The following DPP10 variants were observed in gnomAD, a reference collection of about 807,000 sequenced individuals.
DPP10 encodes dipeptidyl peptidase like 10.
A neutral mutation model predicts 120.9 loss-of-function variants in DPP10; 33 were observed. The ratio of observed to expected loss-of-function variants is 0.27; its 90% confidence interval spans 0.21 to 0.37. The LOEUF (loss-of-function observed/expected upper bound fraction) is 0.37. Ranked by LOEUF, DPP10 falls within the 10% of genes least tolerant of loss-of-function variation. The pLI is 1.00. For synonymous variants in DPP10, 337 were observed against 326.1 expected (o/e 1.03, Z -0.36); for missense variants, 816 against 942.8 (o/e 0.87, Z 1.76).
intron 2 of DPP10, among the ~76,000 whole-genome samples, chr2:115,327,255 TGTAA>T (rs1287156132): frequency 6.6e-6 from 1 of 152,038 alleles, no homozygotes; most frequent in Admixed American, 6.6e-5. Context: ...TCTGGGTTTG[TGTAA>T]GTACATTCTA....
intron 1 of DPP10, among the ~76,000 whole-genome samples, chr2:115,080,958 T>C (rs764403339): frequency 7.9e-5 from 12 of 152,246 alleles, no homozygotes; most frequent in Non-Finnish European, 1.6e-4. Context: ...TCTGACTTTG[T>C]TGCTGTTGAG....
intron 1 of DPP10, among the ~76,000 whole-genome samples, chr2:114,987,061 T>TTC (rs941439734): frequency 6.6e-6 from 1 of 152,136 alleles, no homozygotes; most frequent in Non-Finnish European, 1.5e-5. Context: ...ATTACAGGCG[T>TTC]GAACCACTGC....
chr2:115,366,261 A>G (rs1200449882), intron 3 of DPP10, among the ~76,000 whole-genome samples: 1 of 151,794 alleles, frequency 6.6e-6, no homozygotes, highest in East Asian at 1.9e-4. Context: ...TCACTATTCC[A>G]TGTATTCTGA....
At chr2:115,068,964 A>G (rs1423641946) in intron 1 of DPP10, among the ~76,000 whole-genome samples, 1 of 152,070 alleles carries the variant, frequency 6.6e-6, no homozygotes, top group Non-Finnish European at 1.5e-5. Flanking sequence ...TTATTACTAT[A>G]GCTTTGTAGT....
intron 1 of DPP10, among the ~76,000 whole-genome samples, chr2:114,651,092 C>T (rs1696548785): frequency 6.6e-6 from 1 of 152,120 alleles, no homozygotes; most frequent in African/African-American, 2.4e-5. Context: ...CCTAAATGCC[C>T]TCCTTTCTCC....
chr2:115,011,260 C>T (rs375215420), intron 1 of DPP10, among the ~76,000 whole-genome samples: 1 of 152,124 alleles, frequency 6.6e-6, no homozygotes, highest in African/African-American at 2.4e-5. Context: ...TGCTGTTGTA[C>T]AGTGGGGTGT....
At chr2:114,882,615 T>C (rs1174736136) in intron 1 of DPP10, among the ~76,000 whole-genome samples, 1 of 151,890 alleles carries the variant, frequency 6.6e-6, no homozygotes, top group African/African-American at 2.4e-5. Context: ...CACCTAAATC[T>C]CTAAAATCAC....
chr2:115,174,478 T>C (rs2105087479), intron 1 of DPP10, among the ~76,000 whole-genome samples: 1 of 152,352 alleles, frequency 6.6e-6, no homozygotes, highest in Non-Finnish European at 1.5e-5. Context: ...GCCATAACTT[T>C]TGTGTTTGTC....
intron 1 of DPP10, among the ~76,000 whole-genome samples, chr2:115,196,332 A>C (rs1043239019): frequency 6.6e-6 from 1 of 152,304 alleles, no homozygotes; most frequent in African/African-American, 2.4e-5. Context: ...TGAATTTTGC[A>C]TCTGCCTGCT....
At chr2:115,728,047 C>A in intron 8 of DPP10, 111 bp downstream of exon 8, 2 of 1,264,754 alleles carry the variant, frequency 1.6e-6, no homozygotes, top group Non-Finnish European at 2.1e-6. Context: ...AGTTTCTTCT[C>A]ATTTTCTCTC....
Position 114,956,247 on chromosome 2 carries a change from A to C in DPP10, c.61-352992A>C, listed in dbSNP as rs554192936. Among the ~76,000 whole-genome samples the C allele has an allele frequency of 3.2e-4, 49 of 152,296 alleles. No individual in the cohort carries two copies. The East Asian group carries it at 9.1e-3, about 28-fold the overall frequency. ...GAACTAGTAAATTCAGTAAAGTTGC[A>C]GTATACAAAAGCAACATGTAAAAAT... On this transcript the variant is annotated intron_variant, in intron 1 of 25. Transcript: ENST00000410059.
chr2:114,573,962 T>C (rs1278282005), intron 1 of DPP10, among the ~76,000 whole-genome samples: 1 of 152,130 alleles, frequency 6.6e-6, no homozygotes, highest in Non-Finnish European at 1.5e-5. Flanking sequence ...AAAGAATGAT[T>C]ACTACATTTG....
chr2:114,777,134 C>T (rs765590010), intron 1 of DPP10, among the ~76,000 whole-genome samples: 1 of 152,026 alleles, frequency 6.6e-6, no homozygotes, highest in African/African-American at 2.4e-5. Context: ...GAAATGTACT[C>T]TTTGAGAATG....
intron 5 of DPP10, among the ~76,000 whole-genome samples, chr2:115,647,603 T>C (rs1379469156): frequency 6.6e-6 from 1 of 152,150 alleles, no homozygotes; most frequent in Non-Finnish European, 1.5e-5. Context: ...AGTCTGTTTG[T>C]ACACTACAAC....
At chr2:114,572,138 A>G (rs995317112) in intron 1 of DPP10, among the ~76,000 whole-genome samples, 1 of 151,892 alleles carries the variant, frequency 6.6e-6, no homozygotes, top group Non-Finnish European at 1.5e-5. Context: ...AAGAAAATAA[A>G]CATCATGAAA....
intron 3 of DPP10, among the ~76,000 whole-genome samples, chr2:115,490,866 C>T (rs1282740943): frequency 6.6e-6 from 1 of 152,192 alleles, no homozygotes; most frequent in Non-Finnish European, 1.5e-5. Context: ...CGCCCATATT[C>T]CCAGCAGTTT....
intron 4 of DPP10, among the ~76,000 whole-genome samples, chr2:115,504,742 G>A (rs2076857688): frequency 6.6e-6 from 1 of 151,964 alleles, no homozygotes; most frequent in Non-Finnish European, 1.5e-5. Context: ...AGACATTTAG[G>A]CTCTTCAAAA....
At chr2:114,540,611 CT>C (rs1217727007) in intron 1 of DPP10, among the ~76,000 whole-genome samples, 2 of 152,092 alleles carry the variant, frequency 1.3e-5, no homozygotes, top group African/African-American at 4.8e-5. Flanking sequence ...AAATATTTTT[CT>C]ATTTATTGCA....
intron 1 of DPP10, among the ~76,000 whole-genome samples, chr2:115,183,631 A>G (rs758686581): frequency 6.6e-6 from 1 of 152,192 alleles, no homozygotes; most frequent in East Asian, 1.9e-4. Context: ...TATTAAGTTG[A>G]TTGGTATTTA....
Sources: gnomAD v4.1 joint callset for allele counts (sites outside exome capture counted in the v4.1 genomes callset) on GRCh38, gnomAD v4.1.1 for gene constraint, MANE v1.5 for transcripts, NCBI Gene and HGNC (gene_info 2026-07-23, HGNC 2026-07-21) for gene names.